Variants in ADAMTS16 observed in about 807,000 individuals in gnomAD.
The protein encoded by ADAMTS16 is A disintegrin and metalloproteinase with thrombospondin motifs 16.
ADAMTS16 carries 94 observed loss-of-function variants against 145.8 expected under a neutral mutation model. The ratio of observed to expected loss-of-function variants is 0.64; its 90% confidence interval spans 0.55 to 0.77. The LOEUF is 0.77. Among genes scored for constraint, ADAMTS16 ranks in the 30% least tolerant of loss-of-function variants. The probability of loss-of-function intolerance (pLI) is 0.00; values close to 1 mark genes in which losing one functional copy is unlikely to be tolerated. For synonymous variants in ADAMTS16, 659 were observed against 604.3 expected, an observed-to-expected ratio of 1.09 and a Z score of -1.33; for missense variants, 1,585 against 1,591.5, an observed-to-expected ratio of 1.00 and a Z score of 0.07.
At chr5:5,298,111 C>A (rs1212362746) in intron 18 of ADAMTS16, among the ~76,000 whole-genome samples, 1 of 152,208 alleles carries the variant, frequency 6.6e-6, no homozygotes, top group Non-Finnish European at 1.5e-5. Context: ...CCCTGCCAGA[C>A]AGTGTCAGGA....
At chr5:5,177,852 A>G (rs1735241963) in intron 3 of ADAMTS16, among the ~76,000 whole-genome samples, 1 of 152,198 alleles carries the variant, frequency 6.6e-6, no homozygotes, top group African/African-American at 2.4e-5. Context: ...GTTTATTGAT[A>G]GGTGGCTCTC....
intron 18 of ADAMTS16, among the ~76,000 whole-genome samples, chr5:5,280,473 G>C (rs1738860542): frequency 6.6e-6 from 1 of 152,118 alleles, no homozygotes; most frequent in African/African-American, 2.4e-5. Flanking sequence ...GTATTCCAGG[G>C]GTGCATCAAC....
chr5:5,206,123 A>G (rs940471529), intron 9 of ADAMTS16, among the ~76,000 whole-genome samples: 5 of 152,046 alleles, frequency 3.3e-5, no homozygotes, highest in South Asian at 4.1e-4. Flanking sequence ...TAGTTTTTGT[A>G]TGGGGTATAA....
At chr5:5,307,148 T>C (rs1287332922) in intron 21 of ADAMTS16, among the ~76,000 whole-genome samples, 3 of 152,094 alleles carry the variant, frequency 2.0e-5, no homozygotes, top group African/African-American at 7.2e-5. Flanking sequence ...ATGCCCACCA[T>C]GGAGCGGGGG....
intron 18 of ADAMTS16, among the ~76,000 whole-genome samples, chr5:5,302,909 C>G (rs1222470459): frequency 1.3e-5 from 2 of 152,240 alleles, no homozygotes; most frequent in East Asian, 3.9e-4. Flanking sequence ...ATTGTGAAGG[C>G]TGAGTGGACA....
intron 18 of ADAMTS16, among the ~76,000 whole-genome samples, chr5:5,282,997 A>T (rs1347162267): frequency 6.6e-6 from 1 of 151,960 alleles, no homozygotes; most frequent in Non-Finnish European, 1.5e-5. Context: ...TAAAACATTC[A>T]TTGTGTAATC....
intron 2 of ADAMTS16, among the ~76,000 whole-genome samples, chr5:5,141,661 A>G (rs1162797787): frequency 1.3e-5 from 2 of 152,236 alleles, no homozygotes; most frequent in African/African-American, 4.8e-5. Context: ...ATGTATTTCC[A>G]GAAGATCTAG....
intron 12 of ADAMTS16, 100 bp from the exon 13 acceptor site, chr5:5,234,914 A>C (rs1737051024): frequency 6.7e-6 from 6 of 894,956 alleles, no homozygotes; most frequent in Admixed American, 3.8e-5. Flanking sequence ...CTAATTACCC[A>C]TTCTAACACT....
intron 12 of ADAMTS16, among the ~76,000 whole-genome samples, chr5:5,234,319 G>A (rs943898416): frequency 1.3e-5 from 2 of 152,196 alleles, no homozygotes; most frequent in African/African-American, 4.8e-5. Context: ...TGAAAGCAAA[G>A]TCATTGAACT....
chr5:5,155,339 A>G (rs527336001), intron 3 of ADAMTS16, among the ~76,000 whole-genome samples: 1 of 152,178 alleles, frequency 6.6e-6, no homozygotes, highest in East Asian at 1.9e-4. Context: ...TCCTATCCCT[A>G]TTTTATTTTT....
At chr5:5,198,586 A>T (rs1401677241) in intron 8 of ADAMTS16, among the ~76,000 whole-genome samples, 1 of 152,192 alleles carries the variant, frequency 6.6e-6, no homozygotes, top group Non-Finnish European at 1.5e-5. Context: ...TGCTGTCTTT[A>T]TATTAAAGCT....
intron 3 of ADAMTS16, among the ~76,000 whole-genome samples, chr5:5,154,971 A>G (rs1734564813): frequency 6.6e-6 from 1 of 152,000 alleles, no homozygotes; most frequent in African/African-American, 2.4e-5. Flanking sequence ...GATGTCTGAA[A>G]TCTACTTTTA....
At chr5:5,187,585 T>C (rs554767204) in intron 5 of ADAMTS16, 140 bp from the exon 6 acceptor site, 2 of 676,794 alleles carry the variant, frequency 3.0e-6, no homozygotes, top group Middle Eastern at 2.4e-4. Context: ...ATATGATTAA[T>C]ACATCTGTCT....
chr5:5,214,165 C>A (rs992899903), intron 10 of ADAMTS16, among the ~76,000 whole-genome samples: 1 of 152,168 alleles, frequency 6.6e-6, no homozygotes, highest in South Asian at 2.1e-4. Context: ...ATTGTCAAGA[C>A]CTGAAACAAT....
At chr5:5,248,533 T>C (rs1368530413) in intron 17 of ADAMTS16, among the ~76,000 whole-genome samples, 1 of 152,250 alleles carries the variant, frequency 6.6e-6, no homozygotes, top group African/African-American at 2.4e-5. Flanking sequence ...GCCTGCGTGA[T>C]TCTGGCATTC....
At chr5:5,196,639 G>A (rs536444247) in intron 8 of ADAMTS16, among the ~76,000 whole-genome samples, 1 of 152,260 alleles carries the variant, frequency 6.6e-6, no homozygotes, top group South Asian at 2.1e-4. Flanking sequence ...TATTTGGCCA[G>A]ACCTTCCCAT....
chr5:5,222,793 T>A lies in ADAMTS16; in HGVS notation c.1610T>A (p.Ile537Asn). 4 of 1,613,974 alleles carry A rather than the reference T, an allele frequency of 2.5e-6. No homozygotes were observed. Among genetic ancestry groups the A allele is most frequent in the Non-Finnish European group, 3.4e-6 (4 of 1,179,850 alleles). Residue 537 changes from isoleucine (I) to asparagine (N), a missense_variant, in exon 11 of 23, where the codon ATC becomes AAC. By Grantham distance (149) the Ile-to-Asn change is moderately radical. This residue lies in a region of ADAMTS16 where 298 missense variants were observed against 367.6 expected (regional missense o/e 0.81). Transcript: ENST00000274181. ...CCTTTTACAAAATTTCTTTAGGACA[T>A]CTGTAAAGCCCTGTGGTGCCATCGT... ...KLCMLDFKKD[I>N]CKALWCHRIG... is the part of the protein sequence containing the mutation.
chr5:5,226,986 T>A (rs1736785353), intron 11 of ADAMTS16, among the ~76,000 whole-genome samples: 1 of 100,116 alleles, frequency 1.0e-5, no homozygotes, highest in South Asian at 3.4e-4. Context: ...GGGACCTCTC[T>A]TGTGAAATCA....
intron 10 of ADAMTS16, among the ~76,000 whole-genome samples, chr5:5,213,100 T>C (rs1736322558): frequency 6.6e-6 from 1 of 152,220 alleles, no homozygotes. Context: ...ATCATTGACA[T>C]ATATTTCATT....
Sources: allele counts gnomAD v4.1 joint callset (sites outside exome capture counted in the v4.1 genomes callset), GRCh38; gene constraint gnomAD v4.1.1; regional missense constraint gnomAD v4.1.1; transcripts MANE v1.5; gene names NCBI Gene and HGNC (gene_info 2026-07-23, HGNC 2026-07-21).